ARHGAP10: variants seen among roughly 807,000 people sequenced by gnomAD.
The protein encoded by ARHGAP10 is rho GTPase-activating protein 10.
Under a neutral mutation model 108.6 loss-of-function variants are expected in ARHGAP10, and 87 were observed. That is an observed-to-expected ratio of 0.80 (90% CI 0.67 to 0.96). The LOEUF (loss-of-function observed/expected upper bound fraction) is 0.96, where lower values mean the gene tolerates loss of function less well. Ranked by LOEUF, ARHGAP10 falls within the 40% of genes least tolerant of loss-of-function variation. ARHGAP10 has a pLI of 0.00. For missense variants in ARHGAP10, 939 were observed against 954.5 expected (o/e 0.98, Z 0.21); for synonymous variants, 347 against 341.1 (o/e 1.02, Z -0.19).
At chr4:147,994,444 A>G (rs1158540916) in intron 18 of ARHGAP10, among the ~76,000 whole-genome samples, 2 of 152,214 alleles carry the variant, frequency 1.3e-5, no homozygotes, top group African/African-American at 4.8e-5. Context: ...AGAAGTGCAC[A>G]TGGGCTACAG....
intron 1 of ARHGAP10, among the ~76,000 whole-genome samples, chr4:147,771,343 C>A (rs1195813779): frequency 6.6e-6 from 1 of 152,092 alleles, no homozygotes; most frequent in Non-Finnish European, 1.5e-5. Context: ...TGTGGGTACA[C>A]AGTAGGTATA....
intron 22 of ARHGAP10, 28 bp downstream of exon 22, chr4:148,064,535 T>C (rs368996633): frequency 6.3e-7 from 1 of 1,585,732 alleles, no homozygotes; most frequent in African/African-American, 1.4e-5. Context: ...CTTCGTCTGT[T>C]AATCCTGTCC....
At chr4:148,063,913 G>A (rs1729739524) in intron 21 of ARHGAP10, among the ~76,000 whole-genome samples, 2 of 152,230 alleles carry the variant, frequency 1.3e-5, no homozygotes, top group African/African-American at 2.4e-5. Context: ...GAGGCAGGGT[G>A]TAAATACAGA....
At chr4:147,860,743 TTA>T (rs1157805915) in intron 5 of ARHGAP10, among the ~76,000 whole-genome samples, 1 of 152,240 alleles carries the variant, frequency 6.6e-6, no homozygotes, top group Non-Finnish European at 1.5e-5. Flanking sequence ...CTAAATAACT[TTA>T]TGTGAGACTT....
intron 19 of ARHGAP10, among the ~76,000 whole-genome samples, chr4:148,031,328 A>G (rs1053719141): frequency 4.6e-5 from 7 of 152,212 alleles, no homozygotes; most frequent in Non-Finnish European, 8.8e-5. Context: ...GTATTAGCAT[A>G]TTATATACCA....
intron 18 of ARHGAP10, among the ~76,000 whole-genome samples, chr4:147,979,648 G>C (rs1427723308): frequency 1.3e-5 from 2 of 152,118 alleles, no homozygotes; most frequent in Non-Finnish European, 2.9e-5. Context: ...TAATGATACT[G>C]ATTCTTCCAA....
intron 8 of ARHGAP10, among the ~76,000 whole-genome samples, chr4:147,877,575 C>T (rs1160055330): frequency 6.6e-6 from 1 of 152,124 alleles, no homozygotes; most frequent in Non-Finnish European, 1.5e-5. Flanking sequence ...TTAAAAGTGT[C>T]TTGACTCAGT....
intron 13 of ARHGAP10, among the ~76,000 whole-genome samples, chr4:147,913,671 T>C (rs947517979): frequency 1.3e-5 from 2 of 152,202 alleles, no homozygotes; most frequent in African/African-American, 4.8e-5. Flanking sequence ...AGCTCCCATC[T>C]CTAAATACAG....
chr4:147,847,485 C>T (rs1344176793), intron 4 of ARHGAP10, among the ~76,000 whole-genome samples: 1 of 152,188 alleles, frequency 6.6e-6, no homozygotes, highest in Non-Finnish European at 1.5e-5. Context: ...CCAAACAACA[C>T]ATTTGCTCTG....
At chr4:147,946,765 G>A (rs1738397318) in intron 15 of ARHGAP10, 61 bp downstream of exon 15, 7 of 1,276,818 alleles carry the variant, frequency 5.5e-6, no homozygotes, top group Non-Finnish European at 7.5e-6. Context: ...ACATAAAACA[G>A]ATGCCAATTG....
intron 13 of ARHGAP10, among the ~76,000 whole-genome samples, chr4:147,924,948 T>G (rs763957946): frequency 1.4e-4 from 22 of 151,790 alleles, no homozygotes; most frequent in Non-Finnish European, 2.9e-4. Flanking sequence ...GATTTAAGGC[T>G]CTAGGAGATT....
At chr4:147,838,758 T>G (rs1733275089) in intron 3 of ARHGAP10, among the ~76,000 whole-genome samples, 1 of 152,200 alleles carries the variant, frequency 6.6e-6, no homozygotes, top group Admixed American at 6.5e-5. Flanking sequence ...TATGATTTGT[T>G]TAATGTAACC....
chr4:148,055,588 C>T (rs1015184881), intron 20 of ARHGAP10, among the ~76,000 whole-genome samples: 5 of 152,040 alleles, frequency 3.3e-5, no homozygotes, highest in African/African-American at 4.8e-5. Context: ...ACTCGGGAGG[C>T]GAAGCACGAG....
chr4:147,948,790 A>G (rs549091984), intron 15 of ARHGAP10, among the ~76,000 whole-genome samples: 61 of 151,384 alleles, frequency 4.0e-4, no homozygotes, highest in African/African-American at 1.5e-3. Flanking sequence ...CCCCGTCTCT[A>G]CTAAAAAATA....
At chr4:147,932,985 T>C (rs1257850290) in intron 13 of ARHGAP10, among the ~76,000 whole-genome samples, 1 of 152,198 alleles carries the variant, frequency 6.6e-6, no homozygotes, top group Non-Finnish European at 1.5e-5. Context: ...ATTTATACTT[T>C]TTCAGCTTCA....
intron 18 of ARHGAP10, among the ~76,000 whole-genome samples, chr4:147,992,390 G>A (rs184753359): frequency 1.1e-4 from 16 of 152,234 alleles, no homozygotes; most frequent in Non-Finnish European, 1.8e-4. Flanking sequence ...TCTCTAAAAA[G>A]CGTTTTATTT....
rs558750121 is a variant in ARHGAP10, at chr4:148,013,004, A to C, written c.1717-10259A>C. 5.3e-5 allele frequency among the ~76,000 whole-genome samples: 8 copies of C among 150,360 alleles called. No homozygotes were observed. In the South Asian group the frequency reaches 1.7e-3, roughly 32 times the overall value. ...TTCTACAAGGAATATAATGTGTATT[A>C]TCACCTTTGTAACATGAATAAATTG... On this transcript the variant is annotated intron_variant, in intron 18 of 22. Coordinates refer to ENST00000336498, the MANE Select transcript of ARHGAP10 (RefSeq NM_024605.4).
At chr4:147,856,746 A>G (rs1271057255) in intron 4 of ARHGAP10, among the ~76,000 whole-genome samples, 1 of 152,198 alleles carries the variant, frequency 6.6e-6, no homozygotes, top group Non-Finnish European at 1.5e-5. Context: ...CATTTCAGAG[A>G]AGGGATACTT....
intron 10 of ARHGAP10, among the ~76,000 whole-genome samples, chr4:147,894,611 T>C (rs1199259359): frequency 2.0e-5 from 3 of 152,174 alleles, no homozygotes; most frequent in African/African-American, 7.2e-5. Flanking sequence ...GAAATATTTT[T>C]TTTACTCTAT....
Sources: gnomAD v4.1 joint callset for allele counts (sites outside exome capture counted in the v4.1 genomes callset) on GRCh38, gnomAD v4.1.1 for gene constraint, MANE v1.5 for transcripts, NCBI Gene and HGNC (gene_info 2026-07-23, HGNC 2026-07-21) for gene names.